The following RANBP10 variants were observed in gnomAD, a reference collection of about 807,000 sequenced individuals.
RANBP10 encodes the protein RAN binding protein 10, also known as ran-binding protein 10.
A neutral mutation model predicts 72.8 loss-of-function variants in RANBP10; 24 were observed. The ratio of observed to expected loss-of-function variants is 0.33; its 90% confidence interval spans 0.24 to 0.46. RANBP10 has a LOEUF of 0.46. RANBP10 is among the 20% of genes least tolerant of loss of function. The pLI is 1.00. For missense variants in RANBP10, 679 were observed against 817.5 expected (o/e 0.83, Z 2.07); for synonymous variants, 310 against 322.3 (o/e 0.96, Z 0.41).
intron 5 of RANBP10, among the ~76,000 whole-genome samples, 155 bp downstream of exon 5, chr16:67,737,858 G>A (rs2053885223): frequency 6.6e-6 from 1 of 152,164 alleles, no homozygotes; most frequent in Non-Finnish European, 1.5e-5. Context: ...AGGCCAGCAA[G>A]TGCCCCTCCT....
At chr16:67,748,519 C>A (rs1170841315) in intron 3 of RANBP10, among the ~76,000 whole-genome samples, 4 of 150,658 alleles carry the variant, frequency 2.7e-5, no homozygotes, top group African/African-American at 9.8e-5. Flanking sequence ...AGCGAAACTC[C>A]GTCTAAAAAA....
chr16:67,769,463 G>GAAAAAAA, intron 3 of RANBP10, among the ~76,000 whole-genome samples: 1 of 107,808 alleles, frequency 9.3e-6, no homozygotes, highest in Non-Finnish European at 1.9e-5. Context: ...AAAAAAAAAA[G>GAAAAAAA]TGCTGGGCGC....
chr16:67,727,236 T>C (rs1229681710), intron 13 of RANBP10, 91 bp downstream of exon 13: 32 of 1,258,708 alleles, frequency 2.5e-5, no homozygotes, highest in Non-Finnish European at 3.3e-5. Flanking sequence ...GAGGTGGAGA[T>C]TGCTGTGAGC....
rs762960110 is a variant in RANBP10, at chr16:67,729,390, GGAC to G, written c.1239_1241del (p.Ser422del). ...GGGAAGAGGACGAGGAGGAGGAGGA[GGAC>G]GAGGATGAGGAGCTGGGTGCAGGGT... On this transcript the variant is annotated inframe_deletion, in exon 10 of 14. Transcript: ENST00000317506. This position sits in a 1 kb window ranked among gnomAD's most constrained non-coding sequence, Gnocchi z 7.1. 6.2e-7 allele frequency: 1 copy of G among 1,612,186 alleles called. No homozygotes were observed. The highest frequency in any genetic ancestry group is 8.5e-7 in the Non-Finnish European group (1 of 1,178,848).
intron 5 of RANBP10, among the ~76,000 whole-genome samples, chr16:67,736,192 G>A (rs1023851716): frequency 2.0e-5 from 3 of 151,162 alleles, no homozygotes; most frequent in Non-Finnish European, 4.4e-5. Flanking sequence ...ACGGAGTTTC[G>A]CTCTTGTTGC....
chr16:67,744,835 G>C (rs1299774721), intron 3 of RANBP10, among the ~76,000 whole-genome samples: 1 of 152,118 alleles, frequency 6.6e-6, no homozygotes, highest in Non-Finnish European at 1.5e-5. Flanking sequence ...TTTTTTGTTT[G>C]TTTGTTTTGA....
chr16:67,775,807 A>C (rs970988802), intron 2 of RANBP10, among the ~76,000 whole-genome samples: 1 of 149,616 alleles, frequency 6.7e-6, no homozygotes, highest in Non-Finnish European at 1.5e-5. Context: ...AAAAAAAAAA[A>C]AAAAAACTGG....
intron 3 of RANBP10, among the ~76,000 whole-genome samples, chr16:67,749,442 C>T (rs1270667476): frequency 6.6e-6 from 1 of 152,220 alleles, no homozygotes; most frequent in East Asian, 1.9e-4. Context: ...ACCAGGAAAC[C>T]AGTGTGAGAG....
chr16:67,749,060 C>T (rs1000071685), intron 3 of RANBP10, among the ~76,000 whole-genome samples: 2 of 152,020 alleles, frequency 1.3e-5, no homozygotes, highest in East Asian at 3.9e-4. Context: ...ATGTTGTGTA[C>T]GTGAATAGGC....
chr16:67,784,142 C>T (rs2054865160), intron 2 of RANBP10, among the ~76,000 whole-genome samples: 1 of 151,722 alleles, frequency 6.6e-6, no homozygotes. Flanking sequence ...TAGTAGCAGA[C>T]CAAATCCAAC....
intron 3 of RANBP10, among the ~76,000 whole-genome samples, chr16:67,757,690 G>A (rs1306485438): frequency 6.6e-6 from 1 of 152,222 alleles, no homozygotes; most frequent in Non-Finnish European, 1.5e-5. Flanking sequence ...TAATGGGAAA[G>A]CAAAAGAGAT....
intron 3 of RANBP10, among the ~76,000 whole-genome samples, chr16:67,768,631 G>A (rs950794552): frequency 4.6e-5 from 7 of 152,042 alleles, no homozygotes; most frequent in Admixed American, 2.0e-4. Flanking sequence ...CAGGAGAATC[G>A]CTTCAGCCTG....
intron 2 of RANBP10, among the ~76,000 whole-genome samples, chr16:67,785,982 G>C (rs1442589488): frequency 6.6e-6 from 1 of 150,708 alleles, no homozygotes; most frequent in Non-Finnish European, 1.5e-5. Context: ...GCGGAGATCA[G>C]AGCGAGACTC....
In RANBP10 at chr16:67,730,684, TC is replaced by T. The variant is rs1396680756; in HGVS notation, c.890-639del. Among the ~76,000 whole-genome samples the T allele has an allele frequency of 4.1e-4, 62 of 152,262 alleles. No individual in the cohort carries two copies. Among genetic ancestry groups the T allele is most frequent in the Admixed American group, 3.4e-3 (52 of 15,296 alleles). ...CAACTTCAGAGTCTGAGGCTCTCATTCATAGATCCCAAGTCTGGGATCCCTT... is the reference window on the plus strand; with the variant it reads ...CAACTTCAGAGTCTGAGGCTCTCATTATAGATCCCAAGTCTGGGATCCCTT... On this transcript the variant is annotated intron_variant, in intron 7 of 13. Coordinates refer to ENST00000317506, the MANE Select transcript of RANBP10 (RefSeq NM_020850.3). This position sits in a 1 kb window ranked among gnomAD's most constrained non-coding sequence, Gnocchi z 4.3.
At chr16:67,778,923 T>C (rs544565076) in intron 2 of RANBP10, among the ~76,000 whole-genome samples, 1 of 151,650 alleles carries the variant, frequency 6.6e-6, no homozygotes, top group African/African-American at 2.4e-5. Context: ...CAAAACCCCA[T>C]CTCTACAAAA....
chr16:67,752,973 C>T (rs866532865), intron 3 of RANBP10, among the ~76,000 whole-genome samples: 1 of 152,108 alleles, frequency 6.6e-6, no homozygotes, highest in African/African-American at 2.4e-5. Flanking sequence ...GGTGCAGTGG[C>T]TCATGCCTAT....
At chr16:67,755,212 C>G (rs1334283387) in intron 3 of RANBP10, among the ~76,000 whole-genome samples, 1 of 152,168 alleles carries the variant, frequency 6.6e-6, no homozygotes, top group African/African-American at 2.4e-5. Context: ...TGCTTCAGAA[C>G]TGGACAACCC....
intron 3 of RANBP10, among the ~76,000 whole-genome samples, chr16:67,767,306 T>C (rs2054520310): frequency 6.6e-6 from 1 of 151,904 alleles, no homozygotes; most frequent in African/African-American, 2.4e-5. Context: ...AAACAGTTTT[T>C]ACTAGGCAGG....
At chr16:67,797,807 T>C (rs2055159909) in intron 2 of RANBP10, among the ~76,000 whole-genome samples, 1 of 151,340 alleles carries the variant, frequency 6.6e-6, no homozygotes. Context: ...CAACACTCTG[T>C]CTCAAAAAAT....
Sources: gnomAD v4.1 joint callset for allele counts (sites outside exome capture counted in the v4.1 genomes callset) on GRCh38, gnomAD v4.1.1 for gene constraint, Gnocchi (gnomAD v3.1) non-coding constraint, MANE v1.5 for transcripts, NCBI Gene and HGNC (gene_info 2026-07-23, HGNC 2026-07-21) for gene names.